The following METTL15 variants were observed in gnomAD, a reference collection of about 807,000 sequenced individuals.
METTL15 encodes the protein methyltransferase 15, mitochondrial 12S rRNA N4-cytidine.
Under a neutral mutation model 38.3 loss-of-function variants are expected in METTL15, and 34 were observed. The ratio of observed to expected loss-of-function variants is 0.89; its 90% CI spans 0.68 to 1.18. The LOEUF (loss-of-function observed/expected upper bound fraction) is 1.18. Among genes scored for constraint, METTL15 ranks in the 50% most tolerant of loss-of-function variants. The probability of loss-of-function intolerance (pLI) is 0.00; values close to 1 mark genes in which losing one functional copy is unlikely to be tolerated. For missense variants in METTL15, 438 were observed against 498.4 expected, an observed-to-expected ratio of 0.88 and a Z score of 1.15; for synonymous variants, 162 against 170.9, an observed-to-expected ratio of 0.95 and a Z score of 0.41.
intron 4 of METTL15, among the ~76,000 whole-genome samples, chr11:28,272,364 T>C (rs1324231121): frequency 2.0e-5 from 3 of 152,092 alleles, no homozygotes; most frequent in South Asian, 2.1e-4. Context: ...GTGGCACATA[T>C]ACACCATGGA....
intron 6 of METTL15, among the ~76,000 whole-genome samples, chr11:28,439,295 GT>G (rs1490786279): frequency 6.6e-6 from 1 of 152,152 alleles, no homozygotes; most frequent in Non-Finnish European, 1.5e-5. Flanking sequence ...CCCATTGTGT[GT>G]TACATAGTTC....
At chr11:28,113,199 A>C in intron 2 of METTL15, 119 bp from the exon 3 acceptor site, 1 of 660,426 alleles carries the variant, frequency 1.5e-6, no homozygotes, top group Non-Finnish European at 2.5e-6. Flanking sequence ...AGATGTTAGG[A>C]TCATGAGTCT....
chr11:28,180,542 C>T (rs1851245489), intron 3 of METTL15, among the ~76,000 whole-genome samples: 1 of 151,788 alleles, frequency 6.6e-6, no homozygotes, highest in African/African-American at 2.4e-5. Context: ...CCTGAAACCT[C>T]TGTCGTTTAA....
intron 6 of METTL15, 31 bp downstream of exon 6, chr11:28,296,962 G>A (rs1216149466): frequency 6.2e-7 from 1 of 1,611,442 alleles, no homozygotes; most frequent in East Asian, 2.2e-5. Context: ...CAGTGTCTAA[G>A]AGAAAAAATT....
chr11:28,250,973 G>T (rs1022165708), intron 4 of METTL15, among the ~76,000 whole-genome samples: 1 of 151,924 alleles, frequency 6.6e-6, no homozygotes, highest in African/African-American at 2.4e-5. Flanking sequence ...TTTGGTGAAA[G>T]GATAATTCTT....
intron 3 of METTL15, among the ~76,000 whole-genome samples, chr11:28,202,140 G>T (rs1405830590): frequency 6.6e-6 from 1 of 151,962 alleles, no homozygotes; most frequent in Non-Finnish European, 1.5e-5. Context: ...TCAGAAGTGA[G>T]ATTAGAGGAA....
chr11:28,246,825 C>G (rs1410791578), intron 4 of METTL15, among the ~76,000 whole-genome samples: 1 of 152,118 alleles, frequency 6.6e-6, no homozygotes, highest in Non-Finnish European at 1.5e-5. Context: ...ATAGTAGCCA[C>G]TAGCCACATG....
At chr11:28,365,325 GT>G (rs998289964) in intron 5 of METTL15, among the ~76,000 whole-genome samples, 26 of 152,076 alleles carry the variant, frequency 1.7e-4, no homozygotes, top group Non-Finnish European at 2.9e-5. Context: ...TGATTGGTAG[GT>G]TTTTTAATAC....
intron 6 of METTL15, among the ~76,000 whole-genome samples, chr11:28,523,272 C>A (rs1851782883): frequency 6.6e-6 from 1 of 152,126 alleles, no homozygotes; most frequent in Non-Finnish European, 1.5e-5. Flanking sequence ...CAGTTGGATA[C>A]AACAATATAA....
chr11:28,400,473 A>G (rs963831744), intron 5 of METTL15, among the ~76,000 whole-genome samples: 1 of 151,948 alleles, frequency 6.6e-6, no homozygotes, highest in Non-Finnish European at 1.5e-5. Context: ...TCCCCTAATT[A>G]GTCACTCTTC....
chr11:28,390,588 A>C (rs1476352452), intron 5 of METTL15, among the ~76,000 whole-genome samples: 1 of 152,106 alleles, frequency 6.6e-6, no homozygotes, highest in East Asian at 1.9e-4. Context: ...ATTGATCTAT[A>C]TCTCTGTTTT....
intron 3 of METTL15, among the ~76,000 whole-genome samples, chr11:28,129,413 T>C (rs889742910): frequency 3.3e-5 from 5 of 152,052 alleles, no homozygotes; most frequent in Non-Finnish European, 5.9e-5. Context: ...ATTACTTTTT[T>C]TTTTTTTTTC....
chr11:28,372,239 G>A (rs538529087), intron 5 of METTL15, among the ~76,000 whole-genome samples: 2 of 151,964 alleles, frequency 1.3e-5, no homozygotes, highest in South Asian at 4.1e-4. Flanking sequence ...TTATCATATG[G>A]TTTTTGTTCC....
chr11:28,388,264 G>A (rs1439829120), intron 5 of METTL15, among the ~76,000 whole-genome samples: 1 of 151,908 alleles, frequency 6.6e-6, no homozygotes, highest in East Asian at 1.9e-4. Context: ...AAAAACAAGT[G>A]AAATTATCAC....
chr11:28,483,236 G>T (rs913305998), intron 6 of METTL15, among the ~76,000 whole-genome samples: 3 of 152,110 alleles, frequency 2.0e-5, no homozygotes, highest in Admixed American at 6.5e-5. Flanking sequence ...TCGACAAGAC[G>T]ACAGAAGACA....
chr11:28,109,732 C>A (rs1851637192), intron 1 of METTL15, among the ~76,000 whole-genome samples: 1 of 152,176 alleles, frequency 6.6e-6, no homozygotes, highest in Admixed American at 6.5e-5. Flanking sequence ...TTGACACCCA[C>A]ATTGTATAAG....
chr11:28,290,595 A>G (rs1856473753), intron 5 of METTL15, among the ~76,000 whole-genome samples, 198 bp downstream of exon 5: 1 of 152,168 alleles, frequency 6.6e-6, no homozygotes, highest in African/African-American at 2.4e-5. Context: ...AAGAAAAACA[A>G]TGATTGCCTT....
chr11:28,200,435 A>C (rs1852067216), intron 3 of METTL15, among the ~76,000 whole-genome samples: 1 of 152,182 alleles, frequency 6.6e-6, no homozygotes, highest in African/African-American at 2.4e-5. Flanking sequence ...GCTTGTCATA[A>C]AATAAGCTTC....
At chr11:28,204,465 A>G (rs565410249) in intron 3 of METTL15, among the ~76,000 whole-genome samples, 2 of 104,220 alleles carry the variant, frequency 1.9e-5, no homozygotes, top group East Asian at 4.5e-4. Flanking sequence ...TTTTTTTGTA[A>G]AAAGGGATAT....
Sources: allele counts gnomAD v4.1 joint callset (sites outside exome capture counted in the v4.1 genomes callset), GRCh38; gene constraint gnomAD v4.1.1; transcripts MANE v1.5; gene names NCBI Gene and HGNC (gene_info 2026-07-23, HGNC 2026-07-21).